FNIP2: variants seen among roughly 807,000 people sequenced by gnomAD.
The protein encoded by FNIP2 is folliculin interacting protein 2.
In FNIP2, 32 loss-of-function variants were observed where a neutral mutation model predicts 108.7. The observed-to-expected ratio is 0.29, with a 90% CI of 0.22 to 0.40. The LOEUF is 0.40. Among genes scored for constraint, FNIP2 ranks in the 10% least tolerant of loss-of-function variants. The pLI is 1.00. For synonymous variants in FNIP2, 480 were observed against 496.7 expected (o/e 0.97, Z 0.45); for missense variants, 1,202 against 1,381.6 (o/e 0.87, Z 2.06).
chr4:158,819,470 A>C (rs965083196), intron 1 of FNIP2, among the ~76,000 whole-genome samples: 1 of 152,340 alleles, frequency 6.6e-6, no homozygotes, highest in African/African-American at 2.4e-5. Flanking sequence ...ACTTTTCACT[A>C]TACTCCTGAC....
At chr4:158,834,688 C>A (rs1346422842) in intron 6 of FNIP2, 1 of 152,216 alleles carries the variant, frequency 6.6e-6, no homozygotes. Flanking sequence ...TTTAAAACTT[C>A]ACTACAGCAG....
chr4:158,798,920 T>A (rs1480338092), intron 1 of FNIP2, among the ~76,000 whole-genome samples: 1 of 152,248 alleles, frequency 6.6e-6, no homozygotes, highest in African/African-American at 2.4e-5. Flanking sequence ...AATAGTTGTA[T>A]CTCAATGTTA....
chr4:158,802,452 G>A (rs1776795331), intron 1 of FNIP2, among the ~76,000 whole-genome samples: 2 of 151,862 alleles, frequency 1.3e-5, no homozygotes, highest in Non-Finnish European at 2.9e-5. Context: ...CATTAAATGA[G>A]AATAATCAGA....
At chr4:158,882,347 C>T (rs554548112) in intron 14 of FNIP2, among the ~76,000 whole-genome samples, 5 of 151,652 alleles carry the variant, frequency 3.3e-5, no homozygotes, top group East Asian at 3.9e-4. Flanking sequence ...GGGCAGCCCC[C>T]GTCCGGCCAG....
intron 8 of FNIP2, among the ~76,000 whole-genome samples, chr4:158,855,403 A>T (rs935214961): frequency 6.6e-6 from 1 of 152,138 alleles, no homozygotes; most frequent in African/African-American, 2.4e-5. Context: ...CTGAACACCG[A>T]GAACATGAGT....
At chr4:158,872,076 A>G (rs1390446572) in intron 14 of FNIP2, 16 of 984,820 alleles carry the variant, frequency 1.6e-5, no homozygotes, top group African/African-American at 3.5e-5. Flanking sequence ...CCTTCCTTCC[A>G]TGAAGCCCAG....
intron 1 of FNIP2, among the ~76,000 whole-genome samples, chr4:158,801,298 C>A (rs982690750): frequency 1.3e-5 from 2 of 152,088 alleles, no homozygotes. Context: ...GATACTTAGT[C>A]ACTCACAAAG....
At position 158,868,994 on chromosome 4, in the gene FNIP2, G is replaced by A. The variant is rs1486731275; in HGVS notation, c.2358G>A (p.Gly786=). ...GTCCTCAGAATCGGCTTTCAGAGGG[G>A]GATGAAGGCGAGTCTGACAAGGGTT... ...VCCPQNRLSE[G]DEGESDKGFA... is the part of the protein sequence containing the mutation. Residue 786 remains glycine (G), a synonymous_variant, in exon 13 of 17, where the codon GGG becomes GGA. Transcript: ENST00000264433. This position sits in a 1 kb window ranked among gnomAD's most constrained non-coding sequence, Gnocchi z 4.6. 1.9e-6 allele frequency: 3 copies of A among 1,613,876 alleles called. No individual in the cohort carries two copies. Among genetic ancestry groups the A allele is most frequent in the African/African-American group, 2.7e-5 (2 of 74,936 alleles).
intron 8 of FNIP2, among the ~76,000 whole-genome samples, chr4:158,856,892 A>G (rs1780015638): frequency 6.6e-6 from 1 of 152,228 alleles, no homozygotes; most frequent in Non-Finnish European, 1.5e-5. Context: ...AATAATTTCT[A>G]AATTATAAGT....
At chr4:158,805,338 G>T (rs1254521541) in intron 1 of FNIP2, among the ~76,000 whole-genome samples, 2 of 152,138 alleles carry the variant, frequency 1.3e-5, no homozygotes, top group African/African-American at 2.4e-5. Context: ...TCTAATAAAA[G>T]AAAAATGTTT....
intron 14 of FNIP2, among the ~76,000 whole-genome samples, chr4:158,875,086 C>CA (rs922681852): frequency 0.028 from 2,960 of 106,898 alleles, 53 homozygotes; most frequent in Middle Eastern, 0.12. Context: ...GAGACTGTCT[C>CA]AAAAAAAAAA....
chr4:158,850,861 G>C (rs1348913688), intron 7 of FNIP2, among the ~76,000 whole-genome samples: 2 of 151,898 alleles, frequency 1.3e-5, no homozygotes, highest in African/African-American at 4.8e-5. Flanking sequence ...TCTACAGTCT[G>C]AGCAATGATT....
chr4:158,858,369 G>T (rs944149045), intron 8 of FNIP2, among the ~76,000 whole-genome samples: 10 of 152,188 alleles, frequency 6.6e-5, no homozygotes, highest in Non-Finnish European at 1.0e-4. Context: ...TTAAGTAAGA[G>T]ACATGGTTAG....
chr4:158,889,131 A>G (rs1300600384), intron 14 of FNIP2, among the ~76,000 whole-genome samples: 1 of 152,106 alleles, frequency 6.6e-6, no homozygotes, highest in Non-Finnish European at 1.5e-5. Context: ...GCTTGAGGTT[A>G]CTATGAACTG....
intron 16 of FNIP2, among the ~76,000 whole-genome samples, chr4:158,900,788 G>T (rs1417329113): frequency 6.6e-6 from 1 of 152,064 alleles, no homozygotes. Context: ...TCTTTATCCA[G>T]TTTGCCAGTC....
chr4:158,824,298 C>A (rs1424368588), intron 1 of FNIP2, among the ~76,000 whole-genome samples: 1 of 152,172 alleles, frequency 6.6e-6, no homozygotes, highest in African/African-American at 2.4e-5. Flanking sequence ...AACTAGGAGG[C>A]CAGAGGCATT....
intron 1 of FNIP2, among the ~76,000 whole-genome samples, chr4:158,778,821 T>C (rs1775941220): frequency 1.3e-5 from 2 of 152,172 alleles, no homozygotes; most frequent in Admixed American, 6.5e-5. Flanking sequence ...ACTGATGGAG[T>C]ATTTACTTTC....
rs577026634 is a variant in FNIP2, at chr4:158,869,199, C to G, written c.2563C>G (p.Pro855Ala). 1 of 1,614,026 alleles carries G rather than the reference C, an allele frequency of 6.2e-7. No homozygotes were observed. The highest frequency in any genetic ancestry group is 2.2e-5 in the East Asian group (1 of 44,880). The stretch of plus-strand genomic sequence containing the variant: ...AGGACCTGTGCTGGAGCCTGTTGCC[C>G]CCAGGTGTGTCCAGCGGGGCCCTGG... ...AEGPVLEPVA[P>A]RCVQRGPGLV... The change falls in exon 13 of 17, where the codon CCC becomes GCC. Residue 855 changes from proline to alanine, a missense_variant. Pro to Ala is a conservative substitution (Grantham distance 27, BLOSUM62 -1). Transcript: ENST00000264433.
At chr4:158,871,407 T>A in intron 14 of FNIP2, 1 of 629,444 alleles carries the variant, frequency 1.6e-6, no homozygotes, top group South Asian at 7.1e-5. Flanking sequence ...CCAACAAGTA[T>A]TTTTTTTTTT....
Sources: allele counts gnomAD v4.1 joint callset (sites outside exome capture counted in the v4.1 genomes callset), GRCh38; gene constraint gnomAD v4.1.1; non-coding constraint Gnocchi (gnomAD v3.1); transcripts MANE v1.5; gene names NCBI Gene and HGNC (gene_info 2026-07-23, HGNC 2026-07-21).